Variants in IFT88 observed in about 807,000 individuals in gnomAD.
IFT88 encodes intraflagellar transport 88.
In IFT88, 74 loss-of-function variants were observed where a neutral mutation model predicts 119.5. The ratio of observed to expected loss-of-function variants is 0.62; its 90% CI spans 0.51 to 0.75. IFT88 has a LOEUF of 0.75. IFT88 is among the 30% of genes least tolerant of loss of function. The pLI is 0.00. For missense variants in IFT88, 961 were observed against 977.7 expected (o/e 0.98, Z 0.23); for synonymous variants, 279 against 316.7 (o/e 0.88, Z 1.26).
intron 2 of IFT88, among the ~76,000 whole-genome samples, chr13:20,582,301 G>A (rs2038845206): frequency 3.3e-5 from 5 of 152,150 alleles, no homozygotes. Flanking sequence ...ATTTCCTGAA[G>A]GGGAATGTAA....
intron 21 of IFT88, among the ~76,000 whole-genome samples, chr13:20,655,485 TATCCATTC>T (rs2052609224): frequency 6.9e-6 from 1 of 145,214 alleles, no homozygotes; most frequent in South Asian, 2.2e-4. Context: ...TTTATTTATT[TATCCATTC>T]ATTCATTCAT....
At chr13:20,678,913 A>T (rs148151992) in intron 24 of IFT88, among the ~76,000 whole-genome samples, 1 of 152,212 alleles carries the variant, frequency 6.6e-6, no homozygotes, top group African/African-American at 2.4e-5. Flanking sequence ...TTGAAATCAC[A>T]GAGCCTCCAA....
At chr13:20,611,371 A>G (rs139140331) in intron 13 of IFT88, among the ~76,000 whole-genome samples, 1 of 151,582 alleles carries the variant, frequency 6.6e-6, no homozygotes, top group East Asian at 2.0e-4. Context: ...CTACAAAAAA[A>G]TACAAAAATT....
At chr13:20,595,112 T>C (rs1357169278) in intron 7 of IFT88, among the ~76,000 whole-genome samples, 1 of 152,100 alleles carries the variant, frequency 6.6e-6, no homozygotes. Context: ...AGAAACTTTC[T>C]CTATGGCCAG....
At chr13:20,680,631 G>T (rs1437858736) in intron 24 of IFT88, among the ~76,000 whole-genome samples, 1 of 152,152 alleles carries the variant, frequency 6.6e-6, no homozygotes, top group East Asian at 1.9e-4. Flanking sequence ...CAGGGGGGTG[G>T]CTGTGCCCGA....
intron 24 of IFT88, among the ~76,000 whole-genome samples, chr13:20,674,718 ATATATATTTTT>A (rs1383528906): frequency 3.6e-5 from 1 of 27,826 alleles, no homozygotes; most frequent in South Asian, 7.6e-4. Flanking sequence ...ATATATATAT[ATATATATTTTT>A]TTTTTTTTTT....
intron 11 of IFT88, among the ~76,000 whole-genome samples, chr13:20,600,735 C>T (rs527275942): frequency 2.8e-4 from 42 of 152,218 alleles, no homozygotes; most frequent in Non-Finnish European, 5.6e-4. Flanking sequence ...ACAAATTTAC[C>T]ATGTGACCAG....
At position 20,650,794 on chromosome 13, in the gene IFT88, A is replaced by C. The variant is rs543622583; in HGVS notation, c.1950-3082A>C. Among the ~76,000 whole-genome samples the C allele has an allele frequency of 1.3e-5, 2 of 152,340 alleles. 1 individual carries two copies. The highest frequency in any genetic ancestry group is 4.1e-4 in the South Asian group (2 of 4,834). On this transcript the variant is annotated intron_variant, in intron 20 of 25. Transcript: ENST00000351808. ...GGATATAAAATTAACCCACAAAACTAGTTGTATTTCTATGTATTTGCAATG... is the reference window on the plus strand; with the variant it reads ...GGATATAAAATTAACCCACAAAACTCGTTGTATTTCTATGTATTTGCAATG...
intron 23 of IFT88, 66 bp downstream of exon 23, chr13:20,663,670 A>G (rs1371687987): frequency 8.0e-6 from 9 of 1,125,060 alleles, no homozygotes; most frequent in Non-Finnish European, 9.2e-6. Flanking sequence ...TATAGCTCAA[A>G]TGTGTGATGT....
intron 1 of IFT88, among the ~76,000 whole-genome samples, chr13:20,569,275 C>T (rs887765918): frequency 6.6e-6 from 1 of 151,830 alleles, no homozygotes; most frequent in Non-Finnish European, 1.5e-5. Context: ...TGTATATCAT[C>T]AAAATTTAAA....
Position 20,611,514 on chromosome 13 carries a change from CAAAAAAAAA to C in IFT88, c.1113-4260_1113-4252del, listed in dbSNP as rs56062553. 3.9e-4 allele frequency among the ~76,000 whole-genome samples: 23 copies of C among 59,076 alleles called. No homozygotes were observed. The South Asian group carries it at 4.0e-3, about 10-fold the overall frequency. The allele number at this position is 59,076 out of a possible 152,430, so 38.8% of individuals were successfully genotyped here. A position where few individuals can be genotyped will look rare whatever the true frequency, so the allele number is the denominator to read the frequency against. On this transcript the variant is annotated intron_variant, in intron 13 of 25. Coordinates refer to ENST00000351808, the MANE Select transcript of IFT88 (RefSeq NM_006531.5). ...TGGGAGACAGAGCATGACCCAGTCT[CAAAAAAAAA>C]AAAAAAAAAAAAAAAAAAGACTGAA...
intron 21 of IFT88, among the ~76,000 whole-genome samples, chr13:20,654,610 G>A (rs922875152): frequency 3.9e-5 from 6 of 152,206 alleles, no homozygotes; most frequent in African/African-American, 1.4e-4. Flanking sequence ...AGTTTTGAAA[G>A]TGTTGGCAGT....
intron 20 of IFT88, among the ~76,000 whole-genome samples, chr13:20,650,517 T>G (rs2051466528): frequency 1.3e-5 from 2 of 152,168 alleles, no homozygotes. Context: ...GGATACTGAA[T>G]GGTGAAAGAC....
intron 12 of IFT88, among the ~76,000 whole-genome samples, chr13:20,602,982 T>C (rs2042855147): frequency 6.6e-6 from 1 of 152,162 alleles, no homozygotes; most frequent in Non-Finnish European, 1.5e-5. Context: ...AGAAATATTA[T>C]ATAATGTTAA....
chr13:20,653,907 G>A lies in IFT88; in HGVS notation c.1981G>A (p.Ala661Thr). 1 of 1,588,152 alleles carries A rather than the reference G, an allele frequency of 6.3e-7. No homozygotes were observed. Among genetic ancestry groups the A allele is most frequent in the Non-Finnish European group, 8.6e-7 (1 of 1,167,186 alleles). ...PTQVKWQLMVASCFRRSGNYQ... is the reference protein window; with the variant it reads ...PTQVKWQLMVTSCFRRSGNYQ... ...ACAAGTGAAATGGCAGCTGATGGTA[G>A]CTAGTTGTTTCAGAAGAAGTGGTAA... is the stretch of plus-strand genomic sequence containing the variant. The change falls in exon 21 of 26, where the codon GCT (alanine) becomes ACT (threonine). Residue 661 changes from alanine (A) to threonine (T), a missense_variant. Transcript: ENST00000351808.
intron 13 of IFT88, chr13:20,607,511 T>TGG (rs1044752172): frequency 1.9e-4 from 130 of 689,168 alleles, no homozygotes; most frequent in African/African-American, 1.9e-3. Context: ...TTTTGACATG[T>TGG]GGGGAGGCCG....
At position 20,615,808 on chromosome 13, in the gene IFT88, A is replaced by G; in HGVS notation, c.1128A>G (p.Glu376=). ...QMERERKAMA[E]KYIMTSAKLI... is the part of the protein sequence containing the mutation. The stretch of plus-strand genomic sequence containing the variant: ...TTTGATATAGGAAAGCCATGGCAGA[A>G]AAATATATTATGACATCTGCAAAAC... The change falls in exon 14 of 26, where the codon GAA becomes GAG. Residue 376 remains glutamate (E), a synonymous_variant. Transcript: ENST00000351808. 6.3e-7 allele frequency: 1 copy of G among 1,599,838 alleles called. No individual in the cohort carries two copies. The highest frequency in any genetic ancestry group is 1.1e-5 in the South Asian group (1 of 88,362).
chr13:20,688,004 C>T (rs936086026), intron 24 of IFT88, among the ~76,000 whole-genome samples: 1 of 152,208 alleles, frequency 6.6e-6, no homozygotes, highest in Non-Finnish European at 1.5e-5. Flanking sequence ...AAAGCTAGGA[C>T]TTCTCACTGG....
intron 12 of IFT88, among the ~76,000 whole-genome samples, chr13:20,602,838 G>C (rs2042833309): frequency 6.6e-6 from 1 of 151,454 alleles, no homozygotes; most frequent in Non-Finnish European, 1.5e-5. Flanking sequence ...AGCCAAGATT[G>C]TGCCACTGCA....
Sources: allele counts gnomAD v4.1 joint callset (sites outside exome capture counted in the v4.1 genomes callset), GRCh38; gene constraint gnomAD v4.1.1; transcripts MANE v1.5; gene names NCBI Gene and HGNC (gene_info 2026-07-23, HGNC 2026-07-21).